Variants in ACTG1 observed in about 807,000 individuals in gnomAD.
The protein encoded by ACTG1 is actin, cytoplasmic 2.
In ACTG1, 14 loss-of-function variants were observed where a neutral mutation model predicts 34.3. The ratio of observed to expected loss-of-function variants is 0.41; its 90% CI spans 0.27 to 0.64. The LOEUF is 0.64. Among genes scored for constraint, ACTG1 ranks in the 30% least tolerant of loss-of-function variants. The probability of loss-of-function intolerance (pLI) is 0.33; values close to 1 mark genes in which losing one functional copy is unlikely to be tolerated. For synonymous variants in ACTG1, 422 were observed against 213.9 expected, an observed-to-expected ratio of 1.97 and a Z score of -8.49; for missense variants, 233 against 529.5, an observed-to-expected ratio of 0.44 and a Z score of 5.50.
At position 81,511,522 on chromosome 17, in the gene ACTG1, T is replaced by C. The variant is rs1555666782; in HGVS notation, c.468A>G (p.Gly156=). The change falls in exon 4 of 6, where the codon GGA becomes GGG. Residue 156 remains glycine (G), a synonymous_variant. Coordinates refer to ENST00000573283, the MANE Select transcript of ACTG1 (RefSeq NM_001614.5). ...GRTTGIVMDS[G]DGVTHTVPIY... ...TGGGCACCGTGTGGGTGACCCCGTC[T>C]CCAGAGTCCATGACAATGCCAGTGG... The C allele has an allele frequency of 3.1e-6, 5 of 1,613,796 alleles. No individual in the cohort carries two copies. Among genetic ancestry groups the C allele is most frequent in the South Asian group, 1.1e-5 (1 of 91,076 alleles).
intron 1 of ACTG1, 165 bp downstream of exon 1, chr17:81,512,557 CGGGCCCCGCCCT>C: frequency 1.1e-6 from 1 of 871,536 alleles, no homozygotes; most frequent in South Asian, 1.6e-5. Flanking sequence ...GCACTGCGGC[CGGGCCCCGCCCT>C]GGACCCCCGG....
In ACTG1 at chr17:81,510,387, C is replaced by A. The variant is rs782464761; in HGVS notation, c.*303G>T. ...CTCACCAAGCCACAGACTTGTCTTCCACAAGCACGTTCTTACCTTAGCCAC... is the reference window on the plus strand; with the variant it reads ...CTCACCAAGCCACAGACTTGTCTTCAACAAGCACGTTCTTACCTTAGCCAC... On this transcript the variant is annotated 3_prime_UTR_variant, in exon 6 of 6. Coordinates refer to ENST00000573283, the MANE Select transcript of ACTG1 (RefSeq NM_001614.5). 4.1e-6 allele frequency: 2 copies of A among 493,550 alleles called. No individual in the cohort carries two copies. Among genetic ancestry groups the A allele is most frequent in the Non-Finnish European group, 7.6e-6 (2 of 263,884 alleles). The allele number at this position is 493,550 out of a possible 1,614,324, so 30.6% of individuals were successfully genotyped here.
At chr17:81,512,456 G>A (rs1219179931) in intron 1 of ACTG1, 96 bp from the exon 2 acceptor site, 11 of 1,599,708 alleles carry the variant, frequency 6.9e-6, no homozygotes, top group African/African-American at 6.7e-5. Flanking sequence ...CCTCGGCCCT[G>A]CCCCAACCCC....
intron 1 of ACTG1, 42 bp downstream of exon 1, chr17:81,512,692 G>C: frequency 2.5e-6 from 1 of 407,130 alleles, no homozygotes; most frequent in Non-Finnish European, 4.6e-6. Flanking sequence ...GGGGGGCGCA[G>C]GCCTGCGACG....
In ACTG1 at chr17:81,512,753, C is replaced by T. The variant is rs527479909; in HGVS notation, c.-26G>A. On this transcript the variant is annotated 5_prime_UTR_variant, in exon 1 of 6. Transcript: ENST00000573283. ...GCTCACCGGCAGAGAAACGCGACGG[C>T]GGAGCGGCGGAAGAACAGAGTGCGA... 2.5e-4 allele frequency: 101 copies of T among 411,828 alleles called. 1 individual carries two copies. Among genetic ancestry groups the T allele is most frequent in the African/African-American group, 1.4e-3 (63 of 45,650 alleles). 25.5% of individuals were successfully genotyped at this position (411,828 alleles called of 1,614,324 possible). A position where few individuals can be genotyped will look rare whatever the true frequency, so the allele number is the denominator to read the frequency against.
Position 81,510,838 on chromosome 17 carries a change from A to C in ACTG1, c.985-5T>G, listed in dbSNP as rs370546734. On this transcript the variant is annotated splice_region_variant and splice_polypyrimidine_tract_variant and intron_variant, in intron 5 of 5. Transcript: ENST00000573283. ...GCGCTCTGGGGGTGCGATGATCTGC[A>C]AAGACAGCCAGGCACGGCTTCAGCT... 5 of 1,613,216 alleles carry C rather than the reference A, an allele frequency of 3.1e-6. No homozygotes were observed. The highest frequency in any genetic ancestry group is 1.3e-5 in the African/African-American group (1 of 74,796).
At position 81,512,058 on chromosome 17, in the gene ACTG1, GGT is replaced by G. The variant is rs1247526509; in HGVS notation, c.206_207del (p.Tyr69SerfsTer3). ...QSKRGILTLK[Y>X]PIEHGIVTNW... ...TTGGTGACGATGCCATGCTCAATGGGGTACTTCAGGGTCAGGATGCCACGCTT... is the reference window on the plus strand; with the variant it reads ...TTGGTGACGATGCCATGCTCAATGGGACTTCAGGGTCAGGATGCCACGCTT... On this transcript the variant is annotated frameshift_variant, in exon 3 of 6. Transcript: ENST00000573283. LOFTEE classifies it high-confidence loss of function. The G allele has an allele frequency of 6.2e-7, 1 of 1,613,892 alleles. No individual in the cohort carries two copies. Among genetic ancestry groups the G allele is most frequent in the Non-Finnish European group, 8.5e-7 (1 of 1,180,040 alleles).
At chr17:81,511,731 A>C (rs1369724897) in intron 3 of ACTG1, 105 bp from the exon 4 acceptor site, 3 of 1,517,196 alleles carry the variant, frequency 2.0e-6, no homozygotes, top group Non-Finnish European at 2.7e-6. Flanking sequence ...TGGAGAAAAG[A>C]AAAGAACGCA....
chr17:81,509,973 G>T lies in ACTG1; in HGVS notation c.*717C>A. 5.3e-6 allele frequency: 2 copies of T among 379,912 alleles called. No individual in the cohort carries two copies. Among genetic ancestry groups the T allele is most frequent in the Non-Finnish European group, 1.0e-5 (2 of 191,718 alleles). 23.5% of individuals were successfully genotyped at this position (379,912 alleles called of 1,614,324 possible). On this transcript the variant is annotated 3_prime_UTR_variant, in exon 6 of 6. Transcript: ENST00000573283. ...CTTCCCCAAACAGGAGCCATTCATT[G>T]GTTACGGCAGCACTTTTATTTTTCC...
Position 81,510,043 on chromosome 17 carries a change from G to C in ACTG1, c.*647C>G. ...TGGGGCCTAATGTTCTCACATAACAGTAGAAAACCAAAATTTGTTGTCATC... is the reference window on the plus strand; with the variant it reads ...TGGGGCCTAATGTTCTCACATAACACTAGAAAACCAAAATTTGTTGTCATC... On this transcript the variant is annotated 3_prime_UTR_variant, in exon 6 of 6. Coordinates refer to ENST00000573283, the MANE Select transcript of ACTG1 (RefSeq NM_001614.5). 1 of 450,780 alleles carries C rather than the reference G, an allele frequency of 2.2e-6. No homozygotes were observed. Among genetic ancestry groups the C allele is most frequent in the South Asian group, 1.6e-5 (1 of 63,756 alleles). 27.9% of individuals were successfully genotyped at this position (450,780 alleles called of 1,614,324 possible).
rs1377583351 is a variant in ACTG1, at chr17:81,510,482, G to A, written c.*208C>T. On this transcript the variant is annotated 3_prime_UTR_variant, in exon 6 of 6. Transcript: ENST00000573283. ...GTACAGGGTATTAAACAAATACCAA[G>A]GGGAACAGTTAACTTCAATACAAGG... 1.2e-5 allele frequency: 9 copies of A among 735,526 alleles called. No homozygotes were observed. The highest frequency in any genetic ancestry group is 6.1e-5 in the Admixed American group (3 of 49,582). The allele number at this position is 735,526 out of a possible 1,614,324, so 45.6% of individuals were successfully genotyped here. A position where few individuals can be genotyped will look rare whatever the true frequency, so the allele number is the denominator to read the frequency against.
Position 81,511,068 on chromosome 17 carries a change from G to A in ACTG1, c.843C>T (p.Ser281=), listed in dbSNP as rs1555666510. 5 of 1,613,928 alleles carry A rather than the reference G, an allele frequency of 3.1e-6. No individual in the cohort carries two copies. Among genetic ancestry groups the A allele is most frequent in the East Asian group, 2.2e-5 (1 of 44,898 alleles). ...GGATGTCCACGTCACACTTCATGAT[G>A]GAGTTGAAGGTGGTCTCGTGGATGC... ...SCGIHETTFN[S]IMKCDVDIRK... The change falls in exon 5 of 6, where the codon TCC becomes TCT. Residue 281 remains serine, a synonymous_variant. Coordinates refer to ENST00000573283, the MANE Select transcript of ACTG1 (RefSeq NM_001614.5).
rs75739711 is a variant in ACTG1, at chr17:81,512,759, G to C, written c.-32C>G. 3 of 413,614 alleles carry C rather than the reference G, an allele frequency of 7.3e-6. No individual in the cohort carries two copies. The highest frequency in any genetic ancestry group is 1.7e-5 in the South Asian group (1 of 59,118). 25.6% of individuals were successfully genotyped at this position (413,614 alleles called of 1,614,324 possible). On this transcript the variant is annotated 5_prime_UTR_variant, in exon 1 of 6. Coordinates refer to ENST00000573283, the MANE Select transcript of ACTG1 (RefSeq NM_001614.5). ...CGGCAGAGAAACGCGACGGCGGAGC[G>C]GCGGAAGAACAGAGTGCGAGAGCTG...
intron 1 of ACTG1, 135 bp from the exon 2 acceptor site, chr17:81,512,495 G>A (rs940208934): frequency 6.6e-5 from 94 of 1,430,006 alleles, no homozygotes; most frequent in Middle Eastern, 1.8e-4. Context: ...GATCGCAACC[G>A]CCTGGAACCG....
At position 81,512,058 on chromosome 17, in the gene ACTG1, G is replaced by A. The variant is rs1568062708; in HGVS notation, c.208C>T (p.Pro70Ser). ...SKRGILTLKY[P>S]IEHGIVTNWD... ...TTGGTGACGATGCCATGCTCAATGGGGTACTTCAGGGTCAGGATGCCACGC... is the reference window on the plus strand; with the variant it reads ...TTGGTGACGATGCCATGCTCAATGGAGTACTTCAGGGTCAGGATGCCACGC... Residue 70 changes from proline to serine, a missense_variant, in exon 3 of 6, where the codon CCC (proline) becomes TCC (serine). Pro to Ser is a moderately conservative substitution (Grantham distance 74). Transcript: ENST00000573283. 6.2e-7 allele frequency: 1 copy of A among 1,613,892 alleles called. No individual in the cohort carries two copies. Among genetic ancestry groups the A allele is most frequent in the African/African-American group, 1.3e-5 (1 of 74,936 alleles).
At position 81,512,766 on chromosome 17, in the gene ACTG1, G is replaced by A. The variant is rs1139403; in HGVS notation, c.-39C>T. 0.032 allele frequency: 13,107 copies of A among 416,066 alleles called. 309 individuals are homozygous for A. Among genetic ancestry groups the A allele is most frequent in the Non-Finnish European group, 0.046 (9,761 of 211,896 alleles). The allele number at this position is 416,066 out of a possible 1,614,324, so 25.8% of individuals were successfully genotyped here. Reference sequence around the variant, plus strand: ...GAAACGCGACGGCGGAGCGGCGGAAGAACAGAGTGCGAGAGCTGGCAGCGG... The same window carrying A: ...GAAACGCGACGGCGGAGCGGCGGAAAAACAGAGTGCGAGAGCTGGCAGCGG... On this transcript the variant is annotated 5_prime_UTR_variant, in exon 1 of 6. Coordinates refer to ENST00000573283, the MANE Select transcript of ACTG1 (RefSeq NM_001614.5).
intron 1 of ACTG1, 72 bp from the exon 2 acceptor site, chr17:81,512,432 C>A: frequency 6.2e-7 from 1 of 1,612,212 alleles, no homozygotes; most frequent in South Asian, 1.1e-5. Context: ...ACCTAATGCC[C>A]TCCCGCGGGG....
chr17:81,511,882 CG>C lies in ACTG1; in HGVS notation c.363+20del. 6.2e-7 allele frequency: 1 copy of C among 1,613,948 alleles called. No homozygotes were observed. The highest frequency in any genetic ancestry group is 1.3e-5 in the African/African-American group (1 of 75,046). On this transcript the variant is annotated intron_variant, in intron 3 of 5. Transcript: ENST00000573283. ...GACTGGGGAAAGGACGGGAGGAGCA[CG>C]GGCGTCGGCCGAGCCTCACCTGAGT...
intron 3 of ACTG1, 101 bp from the exon 4 acceptor site, chr17:81,511,727 AAAG>A (rs782321127): frequency 4.0e-6 from 6 of 1,518,250 alleles, no homozygotes; most frequent in South Asian, 1.2e-5. Flanking sequence ...TGTGTGGAGA[AAAG>A]AAAAGAACGC....
Sources: allele counts gnomAD v4.1 joint callset, GRCh38; gene constraint gnomAD v4.1.1; transcripts MANE v1.5; gene names NCBI Gene and HGNC (gene_info 2026-07-23, HGNC 2026-07-21).